PAQR7: variants seen among roughly 807,000 people sequenced by gnomAD.
PAQR7 encodes progestin and adipoQ receptor family member 7, also known as membrane progestin receptor alpha.
PAQR7 carries 14 observed loss-of-function variants against 24.6 expected under a neutral mutation model. The observed-to-expected ratio is 0.57, with a 90% CI of 0.38 to 0.89. PAQR7 has a LOEUF of 0.89. PAQR7 is among the 40% of genes least tolerant of loss of function. The probability of loss-of-function intolerance (pLI) is 0.00; values close to 1 mark genes in which losing one functional copy is unlikely to be tolerated. For missense variants in PAQR7, 351 were observed against 444.0 expected (o/e 0.79, Z 1.88); for synonymous variants, 189 against 198.8 (o/e 0.95, Z 0.42).
chr1:25,865,401 G>A (rs2048548862), intron 2 of PAQR7, among the ~76,000 whole-genome samples: 1 of 152,110 alleles, frequency 6.6e-6, no homozygotes, highest in South Asian at 2.1e-4. Flanking sequence ...ATGACCGGGC[G>A]CAGTGGCTCA....
In PAQR7 at chr1:25,862,945, C is replaced by G. The variant is rs2048523274; in HGVS notation, c.895G>C (p.Ala299Pro). ...AGAGGCTCATAGATGGGCCGTCGGG[C>G]CTCATAGTCCAGTGCCACAGCCTCC... ...QLEAVALDYE[A>P]RRPIYEPLHT... Residue 299 changes from alanine to proline, a missense_variant, in exon 3 of 3, where the codon GCC (alanine) becomes CCC (proline). Coordinates refer to ENST00000675840, the MANE Select transcript of PAQR7 (RefSeq NM_178422.6). The G allele has an allele frequency of 6.2e-7, 1 of 1,614,146 alleles. No individual in the cohort carries two copies. Among genetic ancestry groups the G allele is most frequent in the African/African-American group, 1.3e-5 (1 of 75,042 alleles).
At chr1:25,874,227 C>T (rs929547865) in intron 1 of PAQR7, among the ~76,000 whole-genome samples, 1 of 141,106 alleles carries the variant, frequency 7.1e-6, no homozygotes, top group Non-Finnish European at 1.5e-5. Flanking sequence ...GTCCCCCAGG[C>T]TGGAGTACAG....
chr1:25,866,068 G>A (rs1054094182), intron 2 of PAQR7, among the ~76,000 whole-genome samples: 2 of 150,916 alleles, frequency 1.3e-5, no homozygotes, highest in Non-Finnish European at 2.9e-5. Context: ...CAACTCAAAA[G>A]ACCACTTTTT....
At position 25,863,723 on chromosome 1, in the gene PAQR7, C is replaced by T. The variant is rs774071328; in HGVS notation, c.117G>A (p.Pro39=). ...PVFTVDRAEV[P]PLFWKPYIYA... ...AGATGTACGGCTTCCAGAAGAGCGG[C>T]GGCACCTCAGCTCGATCCACCGTGA... The change falls in exon 3 of 3, where the codon CCG becomes CCA. Residue 39 remains proline, a synonymous_variant. Transcript: ENST00000675840. The surrounding 1 kb of genome is among the most constrained non-coding windows in gnomAD (Gnocchi z 6.1). The T allele has an allele frequency of 5.8e-5, 93 of 1,613,946 alleles. No homozygotes were observed. The highest frequency in any genetic ancestry group is 1.6e-4 in the Middle Eastern group (1 of 6,084).
At chr1:25,872,135 A>G (rs2048610958) in intron 1 of PAQR7, among the ~76,000 whole-genome samples, 7 of 152,204 alleles carry the variant, frequency 4.6e-5, no homozygotes. Flanking sequence ...TCCTTTTGGA[A>G]TCAGAGGATT....
intron 2 of PAQR7, among the ~76,000 whole-genome samples, chr1:25,866,919 C>G (rs985556575): frequency 2.0e-5 from 3 of 152,116 alleles, no homozygotes; most frequent in African/African-American, 7.2e-5. Context: ...TTTTAGTAGA[C>G]AGGGTTTCAC....
At chr1:25,872,115 T>G (rs1478321234) in intron 1 of PAQR7, among the ~76,000 whole-genome samples, 3 of 152,264 alleles carry the variant, frequency 2.0e-5, no homozygotes, top group African/African-American at 7.2e-5. Context: ...TCAACCTCTC[T>G]GAGCTTGTTT....
At chr1:25,866,691 G>A (rs1044149450) in intron 2 of PAQR7, among the ~76,000 whole-genome samples, 1 of 152,122 alleles carries the variant, frequency 6.6e-6, no homozygotes, top group Non-Finnish European at 1.5e-5. Flanking sequence ...GTAGCAGATG[G>A]CAGAGGCATG....
rs531645406 is a variant in PAQR7 at position 25,863,957 on chromosome 1, C to T, written c.-22-96G>A. On this transcript the variant is annotated intron_variant, in intron 2 of 2. Coordinates refer to ENST00000675840, the MANE Select transcript of PAQR7 (RefSeq NM_178422.6). This position sits in a 1 kb window ranked among gnomAD's most constrained non-coding sequence, Gnocchi z 6.1. ...TGATGCCCAAATCCTACTCCCTCCT[C>T]TCCGACAGCCTTATCCTTACACTCG... 47 of 846,094 alleles carry T rather than the reference C, an allele frequency of 5.6e-5. No homozygotes were observed. The Middle Eastern group carries it at 1.7e-3, about 31-fold the overall frequency. 52.4% of individuals were successfully genotyped at this position (846,094 alleles called of 1,614,324 possible). A position where few individuals can be genotyped will look rare whatever the true frequency, so the allele number is the denominator to read the frequency against.
In PAQR7 at chr1:25,870,384, G is replaced by A. The variant is rs142425627; in HGVS notation, c.-23+225C>T. ...TCCACAGATGAGGGGCACTAGGGGCGGGGCTTCCAGGGACTGGGGGTGTCT... is the reference window on the plus strand; with the variant it reads ...TCCACAGATGAGGGGCACTAGGGGCAGGGCTTCCAGGGACTGGGGGTGTCT... On this transcript the variant is annotated intron_variant, in intron 2 of 2. Coordinates refer to ENST00000675840, the MANE Select transcript of PAQR7 (RefSeq NM_178422.6). Among the ~76,000 whole-genome samples, 889 of 152,270 alleles carry A rather than the reference G, an allele frequency of 5.8e-3. 11 individuals are homozygous for A. The highest frequency in any genetic ancestry group is 0.019 in the African/African-American group (806 of 41,550).
intron 2 of PAQR7, among the ~76,000 whole-genome samples, chr1:25,865,413 G>A (rs1350467923): frequency 2.0e-5 from 3 of 151,874 alleles, no homozygotes; most frequent in African/African-American, 4.8e-5. Flanking sequence ...AGTGGCTCAC[G>A]CCTGTAATCC....
chr1:25,874,606 TC>T lies in PAQR7; in HGVS notation c.-109+881del, dbSNP rs533559834. On this transcript the variant is annotated intron_variant, in intron 1 of 2. Coordinates refer to ENST00000675840, the MANE Select transcript of PAQR7 (RefSeq NM_178422.6). ...CATGACTAGAGGCTGGGTCCCTCTC[TC>T]CGATAGGAGCTCAGACTTGGGGTCC... 2.0e-4 allele frequency among the ~76,000 whole-genome samples: 31 copies of T among 152,218 alleles called. No homozygotes were observed. In the South Asian group the frequency reaches 6.2e-3, roughly 31 times the overall value.
intron 1 of PAQR7, chr1:25,870,904 AG>A (rs1159337302): frequency 2.2e-4 from 33 of 152,306 alleles, no homozygotes; most frequent in African/African-American, 7.0e-4. Flanking sequence ...TCTACCTCAT[AG>A]GTTGCTGTAA....
At chr1:25,873,396 GTCTC>G (rs1194127558) in intron 1 of PAQR7, among the ~76,000 whole-genome samples, 11 of 152,094 alleles carry the variant, frequency 7.2e-5, no homozygotes, top group Admixed American at 6.6e-4. Flanking sequence ...TGGCCTCCCA[GTCTC>G]TTAGCAACTG....
Position 25,875,027 on chromosome 1 carries a change from G to T in PAQR7, c.-109+461C>A, listed in dbSNP as rs1444674251. ...CGGTCTCACCTACATTCCTCCTCCA[G>T]AAAGCAGTGAGCTCCCTGACTGTCC... On this transcript the variant is annotated intron_variant, in intron 1 of 2. Coordinates refer to ENST00000675840, the MANE Select transcript of PAQR7 (RefSeq NM_178422.6). The surrounding 1 kb of genome is among the most constrained non-coding windows in gnomAD (Gnocchi z 5.4). Among the ~76,000 whole-genome samples, 2 of 152,188 alleles carry T rather than the reference G, an allele frequency of 1.3e-5. No homozygotes were observed. Among genetic ancestry groups the T allele is most frequent in the African/African-American group, 4.8e-5 (2 of 41,458 alleles).
At chr1:25,867,640 C>G (rs1237435439) in intron 2 of PAQR7, among the ~76,000 whole-genome samples, 1 of 152,246 alleles carries the variant, frequency 6.6e-6, no homozygotes, top group African/African-American at 2.4e-5. Flanking sequence ...CATTCATGTT[C>G]TCTGCCCCCA....
At chr1:25,868,588 T>C (rs1175395842) in intron 2 of PAQR7, among the ~76,000 whole-genome samples, 4 of 151,626 alleles carry the variant, frequency 2.6e-5, no homozygotes, top group Admixed American at 1.3e-4. Context: ...TGTGCACCTG[T>C]AGTCCCAGCT....
chr1:25,873,502 C>CT (rs2048621128), intron 1 of PAQR7, among the ~76,000 whole-genome samples: 1 of 150,824 alleles, frequency 6.6e-6, no homozygotes, highest in Non-Finnish European at 1.5e-5. Flanking sequence ...TGAACAGAAA[C>CT]TGTTTTTTTT....
At chr1:25,874,741 G>A (rs2048635090) in intron 1 of PAQR7, among the ~76,000 whole-genome samples, 1 of 152,192 alleles carries the variant, frequency 6.6e-6, no homozygotes, top group African/African-American at 2.4e-5. Context: ...CTGCTACAGG[G>A]AAATTTCTGA....
Sources: gnomAD v4.1 joint callset for allele counts (sites outside exome capture counted in the v4.1 genomes callset) on GRCh38, gnomAD v4.1.1 for gene constraint, Gnocchi (gnomAD v3.1) non-coding constraint, MANE v1.5 for transcripts, NCBI Gene and HGNC (gene_info 2026-07-23, HGNC 2026-07-21) for gene names.